The following DNAH17 variants were observed in gnomAD, a reference collection of about 807,000 sequenced individuals.
DNAH17 encodes the protein dynein axonemal heavy chain 17.
Under a neutral mutation model 485.6 loss-of-function variants are expected in DNAH17, and 376 were observed. That is an observed-to-expected ratio of 0.77 (90% CI 0.71 to 0.84). The LOEUF (loss-of-function observed/expected upper bound fraction) is 0.84, where lower values mean the gene tolerates loss of function less well. DNAH17 is among the 40% of genes least tolerant of loss of function. DNAH17 has a pLI of 0.00. For missense variants in DNAH17, 6,370 were observed against 5,839.3 expected, an observed-to-expected ratio of 1.09 and a Z score of -2.96; for synonymous variants, 3,031 against 2,405.9, an observed-to-expected ratio of 1.26 and a Z score of -7.60.
intron 67 of DNAH17, 45 bp from the exon 68 acceptor site, chr17:78,450,439 G>C: frequency 6.2e-7 from 1 of 1,608,072 alleles, no homozygotes; most frequent in East Asian, 2.2e-5. Flanking sequence ...CAGATGGGCA[G>C]TGCCATGAGC....
chr17:78,571,710 G>C lies in DNAH17; in HGVS notation c.612C>G (p.Ile204Met), dbSNP rs577131115. The C allele has an allele frequency of 4.0e-5, 65 of 1,613,818 alleles. No individual in the cohort carries two copies. In the East Asian group the frequency reaches 1.3e-3, roughly 33 times the overall value. ...CTGAGTCTTTGCTCAGCACATCCCG[G>C]ATCTGGTGGGACCAGTCGATGATGG... ...ETTIIDWSHQ[I>M]RDVLSKDSAQ... is the part of the protein sequence containing the mutation. Residue 204 changes from isoleucine (I) to methionine (M), a missense_variant, in exon 4 of 81, where the codon ATC becomes ATG. Coordinates refer to ENST00000389840, the MANE Select transcript of DNAH17 (RefSeq NM_173628.4).
Position 78,490,812 on chromosome 17 carries a change from C to T in DNAH17, c.6705G>A (p.Leu2235=), listed in dbSNP as rs907759523. The T allele has an allele frequency of 2.3e-5, 37 of 1,604,270 alleles. No individual in the cohort carries two copies. The African/African-American group carries it at 3.3e-4, about 14-fold the overall frequency. The change falls in exon 44 of 81, where the codon CTG becomes CTA. Residue 2235 remains leucine (L), a synonymous_variant. Transcript: ENST00000389840. ...LTLASNERIP[L]NRTMRLVFEI... ...CGAACACCAGCCTCATGGTGCGGTT[C>T]AGGGGGATCCGCTCGTTGCTGGCCA...
At chr17:78,453,986 G>C (rs1369687795) in intron 64 of DNAH17, among the ~76,000 whole-genome samples, 1 of 152,108 alleles carries the variant, frequency 6.6e-6, no homozygotes, top group African/African-American at 2.4e-5. Context: ...GAGATTACAG[G>C]TACGAGCCAC....
intron 56 of DNAH17, among the ~76,000 whole-genome samples, chr17:78,463,348 GCATACACACA>G (rs1260226614): frequency 6.6e-6 from 1 of 152,128 alleles, no homozygotes; most frequent in Non-Finnish European, 1.5e-5. Flanking sequence ...GCACACACAT[GCATACACACA>G]CACGTATATG....
intron 11 of DNAH17, among the ~76,000 whole-genome samples, chr17:78,566,368 T>C (rs78637927): frequency 0.018 from 2,753 of 152,278 alleles, 92 homozygotes; most frequent in African/African-American, 0.062. Flanking sequence ...ATAAGAAGTA[T>C]CAGTAAAATA....
At chr17:78,554,962 G>T (rs900991760) in intron 14 of DNAH17, among the ~76,000 whole-genome samples, 1 of 152,112 alleles carries the variant, frequency 6.6e-6, no homozygotes, top group African/African-American at 2.4e-5. Flanking sequence ...GGCCAGGCTG[G>T]CCTCGAACTC....
In DNAH17 at chr17:78,459,105, C is replaced by T. The variant is rs145638188; in HGVS notation, c.9757G>A (p.Glu3253Lys). 6.7e-5 allele frequency: 108 copies of T among 1,614,008 alleles called. No individual in the cohort carries two copies. In the African/African-American group the frequency reaches 1.0e-3, roughly 15 times the overall value. The change falls in exon 61 of 81, where the codon GAG becomes AAG. Residue 3253 changes from glutamate to lysine, a missense_variant. Glu to Lys is a moderately conservative substitution (Grantham distance 56). Coordinates refer to ENST00000389840, the MANE Select transcript of DNAH17 (RefSeq NM_173628.4). ...SWCINIVRFY[E>K]VYCDVAPKRQ... ...TTGGGCGCCACGTCGCAGTAGACCTCGTAGAAGCGGACGATGTTGATGCAC... is the reference window on the plus strand; with the variant it reads ...TTGGGCGCCACGTCGCAGTAGACCTTGTAGAAGCGGACGATGTTGATGCAC...
In DNAH17 at chr17:78,476,624, T is replaced by C; in HGVS notation, c.8102A>G (p.Asp2701Gly). The C allele has an allele frequency of 1.2e-6, 2 of 1,611,826 alleles. No individual in the cohort carries two copies. The highest frequency in any genetic ancestry group is 1.7e-6 in the Non-Finnish European group (2 of 1,178,976). Reference sequence around the variant, plus strand: ...GGTGACTCTATGCAATGTTTCCTGGTCTTTTTCGTCAACCATTTTGTCACC... The same window carrying C: ...GGTGACTCTATGCAATGTTTCCTGGCCTTTTTCGTCAACCATTTTGTCACC... Reference protein sequence around the residue: ...VYGDKMVDEKDQETLHRVTMA... With the variant: ...VYGDKMVDEKGQETLHRVTMA... Residue 2701 changes from aspartate (D) to glycine (G), a missense_variant, in exon 52 of 81, where the codon GAC (aspartate) becomes GGC (glycine). By Grantham distance (94) the Asp-to-Gly change is moderately conservative. Transcript: ENST00000389840.
intron 25 of DNAH17, among the ~76,000 whole-genome samples, chr17:78,521,975 G>C (rs1338113493): frequency 6.6e-6 from 1 of 152,268 alleles, no homozygotes; most frequent in Admixed American, 6.5e-5. Flanking sequence ...GACAGAGTGA[G>C]ACTCCGCCTC....
At chr17:78,546,937 CATT>C (rs2091779949) in intron 16 of DNAH17, among the ~76,000 whole-genome samples, 1 of 151,912 alleles carries the variant, frequency 6.6e-6, no homozygotes. Context: ...TTTTGATTCT[CATT>C]ATCCACGTTT....
intron 62 of DNAH17, 59 bp downstream of exon 62, chr17:78,458,506 G>C (rs111505452): frequency 6.9e-7 from 1 of 1,454,980 alleles, no homozygotes. Context: ...CAGTTGTGTG[G>C]GCTTGTCCCT....
At position 78,480,862 on chromosome 17, in the gene DNAH17, G is replaced by A. The variant is rs536352269; in HGVS notation, c.7650-76C>T. 6 of 972,184 alleles carry A rather than the reference G, an allele frequency of 6.2e-6. No homozygotes were observed. The African/African-American group carries it at 9.8e-5, about 16-fold the overall frequency. 60.2% of individuals were successfully genotyped at this position (972,184 alleles called of 1,614,324 possible). A position where few individuals can be genotyped will look rare whatever the true frequency, so the allele number is the denominator to read the frequency against. On this transcript the variant is annotated intron_variant, in intron 48 of 80. Coordinates refer to ENST00000389840, the MANE Select transcript of DNAH17 (RefSeq NM_173628.4). ...TCCCCTGCCCCCACTGTGCTCCCAA[G>A]AATGCCCTCCTTATTATTATTTTTT...
intron 25 of DNAH17, among the ~76,000 whole-genome samples, chr17:78,524,772 A>AG (rs1491400104): frequency 6.6e-6 from 1 of 151,746 alleles, no homozygotes; most frequent in South Asian, 2.1e-4. Context: ...GAAAAAAGAA[A>AG]GGGGGGCAGT....
At chr17:78,439,327 G>T in intron 72 of DNAH17, 110 bp from the exon 73 acceptor site, 1 of 1,282,062 alleles carries the variant, frequency 7.8e-7, no homozygotes, top group Non-Finnish European at 1.0e-6. Flanking sequence ...TAGTTTCGGT[G>T]GTGAAATACA....
At chr17:78,513,097 A>G (rs953990326) in intron 26 of DNAH17, among the ~76,000 whole-genome samples, 1 of 152,080 alleles carries the variant, frequency 6.6e-6, no homozygotes, top group African/African-American at 2.4e-5. Context: ...AACAAATTGA[A>G]TGAACCCCCC....
rs746584922 is a variant in DNAH17, at chr17:78,434,021, C to T, written c.12225+8G>A. On this transcript the variant is annotated splice_region_variant and intron_variant, in intron 75 of 80. Transcript: ENST00000389840. Reference sequence around the variant, plus strand: ...ATGTCCAAGTACAGGGCACACACAGCCCCTCACCTTGGGGTTGGCCTCCAG... The same window carrying T: ...ATGTCCAAGTACAGGGCACACACAGTCCCTCACCTTGGGGTTGGCCTCCAG... The T allele has an allele frequency of 4.5e-6, 7 of 1,566,280 alleles. No individual in the cohort carries two copies. The highest frequency in any genetic ancestry group is 5.2e-6 in the Non-Finnish European group (6 of 1,155,882).
chr17:78,446,245 C>T (rs1598461827), intron 69 of DNAH17, among the ~76,000 whole-genome samples: 2 of 141,838 alleles, frequency 1.4e-5, no homozygotes, highest in Admixed American at 7.0e-5. Flanking sequence ...TGGCATTTCA[C>T]ATGATTCGCA....
chr17:78,439,338 C>T (rs1196465058), intron 72 of DNAH17, 121 bp from the exon 73 acceptor site: 4 of 1,205,614 alleles, frequency 3.3e-6, no homozygotes, highest in South Asian at 3.1e-5. Context: ...GTGAAATACA[C>T]ATGACATAAA....
At chr17:78,561,014 CG>C in intron 12 of DNAH17, 79 bp from the exon 13 acceptor site, 1 of 1,397,248 alleles carries the variant, frequency 7.2e-7, no homozygotes, top group Non-Finnish European at 9.7e-7. Flanking sequence ...CGTTGCTGCC[CG>C]ATCTGGGGTG....
Sources: allele counts gnomAD v4.1 joint callset (sites outside exome capture counted in the v4.1 genomes callset), GRCh38; gene constraint gnomAD v4.1.1; transcripts MANE v1.5; gene names NCBI Gene and HGNC (gene_info 2026-07-23, HGNC 2026-07-21).